The following SUSD4 variants were observed in gnomAD, a reference collection of about 807,000 sequenced individuals.
SUSD4 encodes the protein sushi domain containing 4.
Under a neutral mutation model 50.5 loss-of-function variants are expected in SUSD4, and 41 were observed. The ratio of observed to expected loss-of-function variants is 0.81; its 90% confidence interval spans 0.63 to 1.05. The LOEUF (loss-of-function observed/expected upper bound fraction) is 1.05, where lower values mean the gene tolerates loss of function less well. SUSD4 is among the 50% of genes least tolerant of loss of function. The pLI, the probability that SUSD4 is intolerant of heterozygous loss-of-function variation, is 0.00. For synonymous variants in SUSD4, 257 were observed against 257.3 expected, an observed-to-expected ratio of 1.00 and a Z score of 0.01; for missense variants, 580 against 634.7, an observed-to-expected ratio of 0.91 and a Z score of 0.93.
At chr1:223,307,444 G>GTTGCT (rs1665608425) in intron 2 of SUSD4, among the ~76,000 whole-genome samples, 1 of 152,174 alleles carries the variant, frequency 6.6e-6, no homozygotes, top group African/African-American at 2.4e-5. Context: ...AGTTCTCACA[G>GTTGCT]TTGCTTTATG....
At chr1:223,349,008 G>A (rs553786517) in intron 2 of SUSD4, among the ~76,000 whole-genome samples, 1 of 152,164 alleles carries the variant, frequency 6.6e-6, no homozygotes, top group South Asian at 2.1e-4. Flanking sequence ...GGCAAGCAAG[G>A]AGACTGAGAC....
chr1:223,349,772 C>A (rs1275364108), intron 2 of SUSD4, among the ~76,000 whole-genome samples: 1 of 152,184 alleles, frequency 6.6e-6, no homozygotes, highest in African/African-American at 2.4e-5. Context: ...TCCCATATTT[C>A]CCCTAGCTGG....
chr1:223,270,310 C>G (rs1326975983), intron 3 of SUSD4, among the ~76,000 whole-genome samples: 2 of 152,162 alleles, frequency 1.3e-5, no homozygotes, highest in Non-Finnish European at 2.9e-5. Context: ...TCCCACCATG[C>G]TTCTGACCTG....
At chr1:223,283,622 C>T (rs1293249094) in intron 3 of SUSD4, among the ~76,000 whole-genome samples, 1 of 152,220 alleles carries the variant, frequency 6.6e-6, no homozygotes, top group East Asian at 1.9e-4. Flanking sequence ...AACACTTTTA[C>T]ACTGTTGGTG....
intron 3 of SUSD4, among the ~76,000 whole-genome samples, chr1:223,286,215 A>G (rs954950368): frequency 1.3e-5 from 2 of 152,168 alleles, no homozygotes; most frequent in African/African-American, 4.8e-5. Context: ...CCCTGGGTTC[A>G]TGCCATTCTC....
At chr1:223,241,439 G>A (rs1275462835) in intron 5 of SUSD4, among the ~76,000 whole-genome samples, 1 of 152,160 alleles carries the variant, frequency 6.6e-6, no homozygotes, top group Non-Finnish European at 1.5e-5. Flanking sequence ...CCCCTGTCTT[G>A]TTTCCCTTGG....
At chr1:223,259,556 C>A (rs1661950119) in intron 5 of SUSD4, among the ~76,000 whole-genome samples, 1 of 152,232 alleles carries the variant, frequency 6.6e-6, no homozygotes. Flanking sequence ...GGATACCCAG[C>A]ACCTCTGTGC....
At chr1:223,285,805 A>G (rs970992464) in intron 3 of SUSD4, among the ~76,000 whole-genome samples, 3 of 152,216 alleles carry the variant, frequency 2.0e-5, no homozygotes, top group African/African-American at 7.2e-5. Flanking sequence ...ACATGTGGAC[A>G]CAAAGTGGGG....
chr1:223,243,576 C>T (rs953301179), intron 5 of SUSD4, among the ~76,000 whole-genome samples: 14 of 152,228 alleles, frequency 9.2e-5, no homozygotes, highest in South Asian at 4.1e-4. Context: ...GGGTGTCAGC[C>T]GCAGAAGCCC....
intron 7 of SUSD4, among the ~76,000 whole-genome samples, chr1:223,225,002 T>G (rs181391832): frequency 6.6e-5 from 10 of 151,204 alleles, no homozygotes; most frequent in Admixed American, 3.3e-4. Context: ...CCCGAGTAGC[T>G]GGGATTACAG....
chr1:223,257,192 A>G (rs1199571271), intron 5 of SUSD4, among the ~76,000 whole-genome samples: 2 of 152,050 alleles, frequency 1.3e-5, no homozygotes, highest in South Asian at 2.1e-4. Context: ...TTGAAATATT[A>G]TTTGTCCCTG....
At chr1:223,295,910 T>C (rs1664792822) in intron 2 of SUSD4, among the ~76,000 whole-genome samples, 1 of 151,180 alleles carries the variant, frequency 6.6e-6, no homozygotes, top group Non-Finnish European at 1.5e-5. Context: ...TTTAGAATGA[T>C]CTCTCTGGTG....
At chr1:223,276,918 T>A (rs977507688) in intron 3 of SUSD4, among the ~76,000 whole-genome samples, 1 of 150,776 alleles carries the variant, frequency 6.6e-6, no homozygotes, top group Non-Finnish European at 1.5e-5. Flanking sequence ...AAAAAAAAAA[T>A]CCCAAATAAA....
intron 3 of SUSD4, among the ~76,000 whole-genome samples, chr1:223,275,288 A>T (rs1000751443): frequency 6.6e-6 from 1 of 152,236 alleles, no homozygotes; most frequent in Admixed American, 6.5e-5. Context: ...AGGTTGTTGG[A>T]AAAACTGGGT....
intron 3 of SUSD4, among the ~76,000 whole-genome samples, chr1:223,271,787 G>A (rs1438476937): frequency 6.6e-6 from 1 of 152,204 alleles, no homozygotes; most frequent in East Asian, 1.9e-4. Flanking sequence ...TGAGTTCTCT[G>A]TAGTAGTGAA....
At chr1:223,322,180 C>T (rs974589467) in intron 2 of SUSD4, among the ~76,000 whole-genome samples, 3 of 152,102 alleles carry the variant, frequency 2.0e-5, no homozygotes, top group Non-Finnish European at 2.9e-5. Flanking sequence ...GTGGGCGATA[C>T]GAAAATATCT....
intron 2 of SUSD4, among the ~76,000 whole-genome samples, chr1:223,316,450 T>C (rs949410628): frequency 2.6e-5 from 4 of 152,028 alleles, no homozygotes; most frequent in African/African-American, 9.7e-5. Context: ...CCTGGCCACA[T>C]GGGAACCTGG....
intron 8 of SUSD4, among the ~76,000 whole-genome samples, 173 bp downstream of exon 8, chr1:223,223,076 C>A (rs1659233002): frequency 6.6e-6 from 1 of 152,212 alleles, no homozygotes; most frequent in African/African-American, 2.4e-5. Flanking sequence ...ATTGGCCTTG[C>A]CCAAGGCCTC....
intron 3 of SUSD4, among the ~76,000 whole-genome samples, chr1:223,287,246 T>C (rs956760524): frequency 2.0e-5 from 3 of 152,184 alleles, no homozygotes; most frequent in African/African-American, 7.2e-5. Context: ...CTGACTAATT[T>C]TTGTATTTTT....
Sources: allele counts gnomAD v4.1 joint callset (sites outside exome capture counted in the v4.1 genomes callset), GRCh38; gene constraint gnomAD v4.1.1; transcripts MANE v1.5; gene names NCBI Gene and HGNC (gene_info 2026-07-23, HGNC 2026-07-21).